Variants in KIAA1328 observed in about 807,000 individuals in gnomAD.
KIAA1328 encodes the protein protein hinderin.
In KIAA1328, 52 loss-of-function variants were observed where a neutral mutation model predicts 68.1. The ratio of observed to expected loss-of-function variants is 0.76; its 90% CI spans 0.61 to 0.96. KIAA1328 has a LOEUF of 0.96. Among genes scored for constraint, KIAA1328 ranks in the 40% least tolerant of loss-of-function variants. The pLI is 0.00. For missense variants in KIAA1328, 641 were observed against 677.6 expected (o/e 0.95, Z 0.60); for synonymous variants, 232 against 239.4 (o/e 0.97, Z 0.28).
At position 37,088,622 on chromosome 18, in the gene KIAA1328, ACTTT is replaced by A. The variant is rs536983069; in HGVS notation, c.1232+21081_1232+21084del. Among the ~76,000 whole-genome samples the A allele has an allele frequency of 2.0e-5, 3 of 151,966 alleles. No homozygotes were observed. In the East Asian group the frequency reaches 5.8e-4, roughly 29 times the overall value. ...TGTTTATCTGTATCTTTACTGATTC[ACTTT>A]CTTACTTGCTTATGGTAGAAAGAAA... is the stretch of plus-strand genomic sequence containing the variant. On this transcript the variant is annotated intron_variant, in intron 7 of 9. Transcript: ENST00000280020.
At chr18:37,033,314 A>T (rs898713184) in intron 6 of KIAA1328, among the ~76,000 whole-genome samples, 1 of 152,168 alleles carries the variant, frequency 6.6e-6, no homozygotes, top group African/African-American at 2.4e-5. Context: ...AGTTTTTATT[A>T]GATGCTTATC....
At chr18:36,880,225 C>T (rs1340665669) in intron 4 of KIAA1328, among the ~76,000 whole-genome samples, 1 of 152,198 alleles carries the variant, frequency 6.6e-6, no homozygotes, top group Admixed American at 6.5e-5. Context: ...GTACCTGGGT[C>T]AGACAGCACC....
intron 4 of KIAA1328, among the ~76,000 whole-genome samples, chr18:36,873,043 G>GT (rs1341524661): frequency 6.6e-6 from 1 of 152,126 alleles, no homozygotes; most frequent in Non-Finnish European, 1.5e-5. Flanking sequence ...TCTAGAGCAT[G>GT]TTTTTCCAGG....
intron 6 of KIAA1328, among the ~76,000 whole-genome samples, chr18:36,999,120 T>G (rs900291667): frequency 1.3e-5 from 2 of 152,096 alleles, no homozygotes; most frequent in Admixed American, 6.6e-5. Context: ...AAAGAATTCA[T>G]TGAGGGAAAT....
intron 7 of KIAA1328, among the ~76,000 whole-genome samples, chr18:37,127,102 A>G (rs2058411997): frequency 6.6e-6 from 1 of 152,228 alleles, no homozygotes; most frequent in African/African-American, 2.4e-5. Flanking sequence ...AAAAGGCTAC[A>G]TTACTGGAAA....
intron 7 of KIAA1328, among the ~76,000 whole-genome samples, chr18:37,074,048 T>C (rs991407783): frequency 2.6e-5 from 4 of 152,238 alleles, no homozygotes; most frequent in Non-Finnish European, 5.9e-5. Flanking sequence ...AAAATGGACG[T>C]CTAGCCTCCC....
At chr18:37,067,643 C>G (rs778547731) in intron 7 of KIAA1328, 98 bp downstream of exon 7, 1 of 1,260,268 alleles carries the variant, frequency 7.9e-7, no homozygotes, top group Non-Finnish European at 1.1e-6. Context: ...TCACTGCAGC[C>G]TCCGCCTCCC....
intron 7 of KIAA1328, among the ~76,000 whole-genome samples, chr18:37,077,487 A>G (rs1343221192): frequency 2.0e-5 from 3 of 150,166 alleles, no homozygotes; most frequent in Non-Finnish European, 4.4e-5. Context: ...GGCCAGGGCA[A>G]TTAGGCAGGA....
At chr18:37,178,954 C>T (rs1028793234) in intron 9 of KIAA1328, among the ~76,000 whole-genome samples, 4 of 151,934 alleles carry the variant, frequency 2.6e-5, no homozygotes, top group African/African-American at 9.7e-5. Flanking sequence ...TGTTTGAGTT[C>T]CTTATATATT....
At chr18:36,971,666 A>G (rs1411962215) in intron 6 of KIAA1328, among the ~76,000 whole-genome samples, 1 of 152,168 alleles carries the variant, frequency 6.6e-6, no homozygotes, top group Non-Finnish European at 1.5e-5. Context: ...GGTACTGTAT[A>G]CCATGAAATA....
At chr18:36,859,598 T>C (rs1162004483) in intron 4 of KIAA1328, among the ~76,000 whole-genome samples, 2 of 136,320 alleles carry the variant, frequency 1.5e-5, no homozygotes, top group Admixed American at 1.6e-4. Context: ...TCACTCTCAC[T>C]CTCTCTTTCT....
intron 9 of KIAA1328, among the ~76,000 whole-genome samples, chr18:37,220,988 G>A (rs531846400): frequency 2.1e-4 from 32 of 152,050 alleles, no homozygotes; most frequent in Non-Finnish European, 3.5e-4. Flanking sequence ...CACCATGCCC[G>A]CCTAATTTTT....
chr18:37,123,962 A>G (rs937741488), intron 7 of KIAA1328, among the ~76,000 whole-genome samples: 11 of 152,186 alleles, frequency 7.2e-5, no homozygotes, highest in African/African-American at 2.7e-4. Context: ...GGAAAACCAT[A>G]TAGGTGCCAG....
At chr18:36,979,122 G>A (rs1375266421) in intron 6 of KIAA1328, among the ~76,000 whole-genome samples, 1 of 151,980 alleles carries the variant, frequency 6.6e-6, no homozygotes, top group East Asian at 1.9e-4. Flanking sequence ...TTGCACCATT[G>A]TACCACTGCA....
chr18:37,181,480 T>C (rs1233570251), intron 9 of KIAA1328, among the ~76,000 whole-genome samples: 1 of 152,084 alleles, frequency 6.6e-6, no homozygotes, highest in Non-Finnish European at 1.5e-5. Flanking sequence ...TAAGTCATGA[T>C]GTTGGGCTAA....
At position 37,225,094 on chromosome 18, in the gene KIAA1328, C is replaced by G. The variant is rs1392516971; in HGVS notation, c.*2867C>G. On this transcript the variant is annotated 3_prime_UTR_variant, in exon 10 of 10. Coordinates refer to ENST00000280020, the MANE Select transcript of KIAA1328 (RefSeq NM_020776.3). ...TTTCTGCTCCCTCAGAGCTACTCTT[C>G]ACTTGTCCCTGCTTCCGGCACCAAG... 1.0e-6 allele frequency: 1 copy of G among 985,296 alleles called. No individual in the cohort carries two copies. The highest frequency in any genetic ancestry group is 1.7e-5 in the African/African-American group (1 of 57,218). The allele number at this position is 985,296 out of a possible 1,614,324, so 61.0% of individuals were successfully genotyped here. A position where few individuals can be genotyped will look rare whatever the true frequency, so the allele number is the denominator to read the frequency against.
At chr18:37,097,324 A>T (rs1271864463) in intron 7 of KIAA1328, among the ~76,000 whole-genome samples, 1 of 152,218 alleles carries the variant, frequency 6.6e-6, no homozygotes, top group Non-Finnish European at 1.5e-5. Flanking sequence ...TTTTTATTAA[A>T]TAGGGATTCC....
rs1441513707 is a variant in KIAA1328, at chr18:37,067,304, C to T, written c.991C>T (p.His331Tyr). Residue 331 changes from histidine (H) to tyrosine (Y), a missense_variant, in exon 7 of 10, where the codon CAT becomes TAT. Transcript: ENST00000280020. ...TNMTPQHPKT[H>Y]PESCSYCRLS... ...CATGACCCCTCAACATCCTAAGACA[C>T]ATCCAGAATCATGCAGTTATTGTCG... The T allele has an allele frequency of 6.2e-7, 1 of 1,613,998 alleles. No individual in the cohort carries two copies. The highest frequency in any genetic ancestry group is 2.2e-5 in the East Asian group (1 of 44,876).
At chr18:36,959,700 G>A (rs985938251) in intron 6 of KIAA1328, among the ~76,000 whole-genome samples, 13 of 152,142 alleles carry the variant, frequency 8.5e-5, no homozygotes, top group African/African-American at 2.9e-4. Context: ...AGCCAGAAGG[G>A]TAAAGAAAAC....
Sources: gnomAD v4.1 joint callset for allele counts (sites outside exome capture counted in the v4.1 genomes callset) on GRCh38, gnomAD v4.1.1 for gene constraint, MANE v1.5 for transcripts, NCBI Gene and HGNC (gene_info 2026-07-23, HGNC 2026-07-21) for gene names.